NEK1: variants seen among roughly 807,000 people sequenced by gnomAD.
The protein encoded by NEK1 is serine/threonine-protein kinase Nek1.
A neutral mutation model predicts 182.1 loss-of-function variants in NEK1; 137 were observed. The observed-to-expected ratio is 0.75, with a 90% CI of 0.65 to 0.87. The LOEUF is 0.87. NEK1 is among the 40% of genes least tolerant of loss of function. NEK1 has a pLI of 0.00. For missense variants in NEK1, 1,391 were observed against 1,494.4 expected, an observed-to-expected ratio of 0.93 and a Z score of 1.14; for synonymous variants, 513 against 492.2, an observed-to-expected ratio of 1.04 and a Z score of -0.56.
chr4:169,567,693 CAGTGAAATGTTTTTAAAATA>C (rs1387503318), intron 12 of NEK1, among the ~76,000 whole-genome samples: 2 of 152,262 alleles, frequency 1.3e-5, no homozygotes, highest in South Asian at 4.1e-4. Flanking sequence ...TGCACCTAGC[CAGTGAAATGTTTTTAAAATA>C]AGCTATATAA....
intron 11 of NEK1, among the ~76,000 whole-genome samples, chr4:169,579,655 G>A (rs1373686284): frequency 6.6e-6 from 1 of 152,100 alleles, no homozygotes; most frequent in African/African-American, 2.4e-5. Context: ...TGGGCGTGGT[G>A]GTGGGCACCT....
chr4:169,580,983 T>TC (rs1333884067), intron 10 of NEK1, 81 bp from the exon 11 acceptor site: 3 of 617,152 alleles, frequency 4.9e-6, no homozygotes, highest in Non-Finnish European at 8.1e-6. Context: ...TAATACATCT[T>TC]CCCCTTTTTC....
rs1364750156 is a variant in NEK1, at chr4:169,463,366, C to T, written c.2464G>A (p.Gly822Ser). 1 of 1,607,220 alleles carries T rather than the reference C, an allele frequency of 6.2e-7. No homozygotes were observed. The highest frequency in any genetic ancestry group is 1.3e-5 in the African/African-American group (1 of 74,706). The change falls in exon 27 of 36, where the codon GGT becomes AGT. Residue 822 changes from glycine to serine, a missense_variant. Coordinates refer to ENST00000507142, the MANE Select transcript of NEK1 (RefSeq NM_001199397.3). ...GCTCTTCTTGGAGATCCATTAGGAC[C>T]TAATTTAATAACTTCTCCCACTGTA... Reference protein sequence around the residue: ...RHTVGEVIKLGPNGSPRRAWG... With the variant: ...RHTVGEVIKLSPNGSPRRAWG...
intron 26 of NEK1, among the ~76,000 whole-genome samples, chr4:169,476,630 CAT>C (rs906642584): frequency 2.0e-5 from 3 of 152,036 alleles, no homozygotes; most frequent in Admixed American, 6.6e-5. Context: ...CACAAGAGCA[CAT>C]ATGTTTCTGT....
intron 23 of NEK1, among the ~76,000 whole-genome samples, chr4:169,483,325 G>T (rs1748438784): frequency 1.3e-5 from 2 of 152,092 alleles, no homozygotes; most frequent in African/African-American, 2.4e-5. Flanking sequence ...GAAAAAGTTT[G>T]AAATATGGCA....
intron 29 of NEK1, among the ~76,000 whole-genome samples, chr4:169,426,984 T>C (rs1242376102): frequency 1.3e-5 from 2 of 152,156 alleles, no homozygotes; most frequent in South Asian, 4.1e-4. Context: ...ATTAAATTCA[T>C]GCATTTTTTT....
chr4:169,573,924 G>A (rs1284561987), intron 12 of NEK1, among the ~76,000 whole-genome samples: 1 of 152,004 alleles, frequency 6.6e-6, no homozygotes, highest in East Asian at 1.9e-4. Flanking sequence ...TTTTTGGGCA[G>A]CCAAGGCAAG....
chr4:169,404,962 T>C (rs986269660), intron 32 of NEK1, among the ~76,000 whole-genome samples: 1 of 152,142 alleles, frequency 6.6e-6, no homozygotes, highest in Non-Finnish European at 1.5e-5. Flanking sequence ...AAAACATGTG[T>C]GCACTGACAC....
At chr4:169,455,539 T>C (rs1742707728) in intron 27 of NEK1, among the ~76,000 whole-genome samples, 1 of 152,146 alleles carries the variant, frequency 6.6e-6, no homozygotes, top group Non-Finnish European at 1.5e-5. Context: ...TATATAATTA[T>C]AAAATGGTCA....
chr4:169,501,207 T>A (rs1752360904), intron 23 of NEK1, among the ~76,000 whole-genome samples: 2 of 152,162 alleles, frequency 1.3e-5, no homozygotes, highest in African/African-American at 2.4e-5. Context: ...GATTTAACTA[T>A]CCTAAATATG....
At chr4:169,450,196 C>T (rs1194697021) in intron 27 of NEK1, among the ~76,000 whole-genome samples, 4 of 152,126 alleles carry the variant, frequency 2.6e-5, no homozygotes, top group South Asian at 4.2e-4. Context: ...ACCAAATCTA[C>T]GTCTGATTGG....
At chr4:169,540,117 C>T (rs1236710049) in intron 18 of NEK1, among the ~76,000 whole-genome samples, 7 of 152,080 alleles carry the variant, frequency 4.6e-5, no homozygotes, top group Admixed American at 4.6e-4. Flanking sequence ...AGCAGGTTTA[C>T]ATTACTGGCT....
At chr4:169,427,378 G>A (rs1442152641) in intron 29 of NEK1, among the ~76,000 whole-genome samples, 2 of 152,042 alleles carry the variant, frequency 1.3e-5, no homozygotes, top group Non-Finnish European at 2.9e-5. Flanking sequence ...CGCCCGCCTC[G>A]GCCTCCCAAA....
At chr4:169,466,233 A>G (rs1170348425) in intron 26 of NEK1, among the ~76,000 whole-genome samples, 1 of 152,088 alleles carries the variant, frequency 6.6e-6, no homozygotes, top group Non-Finnish European at 1.5e-5. Context: ...CATACTGAAG[A>G]CAGAAAAAAA....
At position 169,467,374 on chromosome 4, in the gene NEK1, A is replaced by G. The variant is rs539718494; in HGVS notation, c.2435-3979T>C. Among the ~76,000 whole-genome samples the G allele has an allele frequency of 3.3e-5, 5 of 152,266 alleles. No individual in the cohort carries two copies. The East Asian group carries it at 9.6e-4, about 29-fold the overall frequency. ...AATAATCTTATACCATATATGAAGT[A>G]TAACTCAATTGAAGATAGGCTGTGC... On this transcript the variant is annotated intron_variant, in intron 26 of 35. Transcript: ENST00000507142.
At chr4:169,498,339 G>A (rs532695054) in intron 23 of NEK1, among the ~76,000 whole-genome samples, 13 of 152,230 alleles carry the variant, frequency 8.5e-5, no homozygotes, top group Non-Finnish European at 1.9e-4. Context: ...GCACACTGAC[G>A]GATCTTGACT....
intron 5 of NEK1, among the ~76,000 whole-genome samples, chr4:169,592,995 C>T (rs1287801271): frequency 1.3e-5 from 2 of 151,974 alleles, no homozygotes; most frequent in African/African-American, 2.4e-5. Flanking sequence ...ATGGAGTTTA[C>T]CAGTAGAAAT....
Position 169,401,792 on chromosome 4 carries a change from T to C in NEK1, c.3443A>G (p.Gln1148Arg), listed in dbSNP as rs780675107. The C allele has an allele frequency of 5.0e-6, 8 of 1,613,924 alleles. No homozygotes were observed. The Admixed American group carries it at 5.0e-5, about 10-fold the overall frequency. Residue 1148 changes from glutamine to arginine, a missense_variant, in exon 33 of 36, where the codon CAA (glutamine) becomes CGA (arginine). Gln to Arg is a conservative substitution (Grantham distance 43). Transcript: ENST00000507142. ...TTCTTCACTGTATTCTTCACCAGGTTGTTCCCTAAGTAACTGTTCCATCGA... is the reference window on the plus strand; with the variant it reads ...TTCTTCACTGTATTCTTCACCAGGTCGTTCCCTAAGTAACTGTTCCATCGA... ...QASMEQLLRE[Q>R]PGEEYSEEEE...
chr4:169,394,345 C>T lies in NEK1; in HGVS notation c.*165G>A, dbSNP rs4692721. 0.9 allele frequency: 462,738 copies of T among 517,018 alleles called. 207,543 individuals carry two copies. Among genetic ancestry groups the T allele is most frequent in the African/African-American group, 0.97 (48,169 of 49,664 alleles). The allele number at this position is 517,018 out of a possible 1,614,324, so 32.0% of individuals were successfully genotyped here. On this transcript the variant is annotated 3_prime_UTR_variant, in exon 36 of 36. Transcript: ENST00000507142. ...AATAGATAAAATATTAGAATCTTCA[C>T]TGAAAAATGGCATGTTTCTCCATCT...
Sources: allele counts gnomAD v4.1 joint callset (sites outside exome capture counted in the v4.1 genomes callset), GRCh38; gene constraint gnomAD v4.1.1; transcripts MANE v1.5; gene names NCBI Gene and HGNC (gene_info 2026-07-23, HGNC 2026-07-21).